The following FBXO45 variants were observed in gnomAD, a reference collection of about 807,000 sequenced individuals.
FBXO45 encodes the protein F-box/SPRY domain-containing protein 1.
In FBXO45, 3 loss-of-function variants were observed where a neutral mutation model predicts 25.5. The ratio of observed to expected loss-of-function variants is 0.12; its 90% CI spans 0.05 to 0.30. FBXO45 has a LOEUF of 0.30. Ranked by LOEUF, FBXO45 falls within the 10% of genes least tolerant of loss-of-function variation. The probability of loss-of-function intolerance (pLI) is 1.00; values close to 1 mark genes in which losing one functional copy is unlikely to be tolerated. For missense variants in FBXO45, 219 were observed against 365.0 expected (o/e 0.60, Z 3.26); for synonymous variants, 155 against 149.8 (o/e 1.03, Z -0.25).
rs58204718 is a variant in FBXO45, at chr3:196,584,452, AGCTC to A, written c.*135_*138del. On this transcript the variant is annotated 3_prime_UTR_variant, in exon 3 of 3. Coordinates refer to ENST00000311630, the MANE Select transcript of FBXO45 (RefSeq NM_001105573.2). This position sits in a 1 kb window ranked among gnomAD's most constrained non-coding sequence, Gnocchi z 4.3. ...ACATGAAGTCGTAAACTGGAGAAGC[AGCTC>A]TACAGCAGAGATTATCTTCGTGTTT... is the stretch of plus-strand genomic sequence containing the variant. 6,442 of 744,842 alleles carry A rather than the reference AGCTC, an allele frequency of 8.6e-3. 118 individuals are homozygous for A. Among genetic ancestry groups the A allele is most frequent in the African/African-American group, 0.06 (3,296 of 54,630 alleles). 46.1% of individuals were successfully genotyped at this position (744,842 alleles called of 1,614,324 possible).
rs374570612 is a variant in FBXO45, at chr3:196,588,654, G to A, written c.*4336G>A. ...ATTGATTATTTATTGGTGTCATATC[G>A]CCCCTAAACTGGGACAGGATCTCTA... is the stretch of plus-strand genomic sequence containing the variant. On this transcript the variant is annotated 3_prime_UTR_variant, in exon 3 of 3. Transcript: ENST00000311630. The surrounding 1 kb of genome is among the most constrained non-coding windows in gnomAD (Gnocchi z 4.2). 7.2e-5 allele frequency: 11 copies of A among 152,106 alleles called. No individual in the cohort carries two copies. In the South Asian group the frequency reaches 8.3e-4, roughly 11 times the overall value. 9.4% of individuals were successfully genotyped at this position (152,106 alleles called of 1,614,324 possible).
chr3:196,588,937 C>G lies in FBXO45; in HGVS notation c.*4619C>G, dbSNP rs906002135. The G allele has an allele frequency of 6.6e-6, 1 of 152,176 alleles. No homozygotes were observed. The highest frequency in any genetic ancestry group is 6.5e-5 in the Admixed American group (1 of 15,280). The allele number at this position is 152,176 out of a possible 1,614,324, so 9.4% of individuals were successfully genotyped here. ...GAATGCATTTAGCCACTCCCCTCTACTCAAAAATACTGGTAAACTCTGATT... is the reference window on the plus strand; with the variant it reads ...GAATGCATTTAGCCACTCCCCTCTAGTCAAAAATACTGGTAAACTCTGATT... On this transcript the variant is annotated 3_prime_UTR_variant, in exon 3 of 3. Transcript: ENST00000311630. This position sits in a 1 kb window ranked among gnomAD's most constrained non-coding sequence, Gnocchi z 4.2.
chr3:196,573,100 A>AT (rs537784343), intron 1 of FBXO45, among the ~76,000 whole-genome samples: 23 of 150,862 alleles, frequency 1.5e-4, no homozygotes, highest in Non-Finnish European at 2.2e-4. Flanking sequence ...TTTTATTATT[A>AT]TTTTTTTTTG....
rs1736067124 is a variant in FBXO45 at position 196,584,421 on chromosome 3, G to A, written c.*103G>A. ...CACATGCATGTCCAAGAAACATCCTGAAAACACATGAAGTCGTAAACTGGA... is the reference window on the plus strand; with the variant it reads ...CACATGCATGTCCAAGAAACATCCTAAAAACACATGAAGTCGTAAACTGGA... On this transcript the variant is annotated 3_prime_UTR_variant, in exon 3 of 3. Coordinates refer to ENST00000311630, the MANE Select transcript of FBXO45 (RefSeq NM_001105573.2). The surrounding 1 kb of genome is among the most constrained non-coding windows in gnomAD (Gnocchi z 4.3). 2.0e-6 allele frequency: 2 copies of A among 1,010,158 alleles called. No homozygotes were observed. The highest frequency in any genetic ancestry group is 2.8e-6 in the Non-Finnish European group (2 of 709,670). 62.6% of individuals were successfully genotyped at this position (1,010,158 alleles called of 1,614,324 possible). A position where few individuals can be genotyped will look rare whatever the true frequency, so the allele number is the denominator to read the frequency against.
Position 196,576,289 on chromosome 3 carries a change from A to T in FBXO45, c.319-1164A>T, listed in dbSNP as rs147148802. Among the ~76,000 whole-genome samples the T allele has an allele frequency of 2.0e-3, 304 of 152,282 alleles. 2 individuals are homozygous for T. The highest frequency in any genetic ancestry group is 7.1e-3 in the African/African-American group (294 of 41,560). On this transcript the variant is annotated intron_variant, in intron 1 of 2. Transcript: ENST00000311630. ...GGGTCTTCCTAAATGCTGACATTCT[A>T]TGCCTCTGGAGTTGATTTTTCTCAG...
chr3:196,579,411 G>A (rs1735971975), intron 2 of FBXO45, among the ~76,000 whole-genome samples: 1 of 152,190 alleles, frequency 6.6e-6, no homozygotes, highest in Non-Finnish European at 1.5e-5. Flanking sequence ...ATACTATAAG[G>A]AGAAGGGTGT....
Position 196,569,393 on chromosome 3 carries a change from T to G in FBXO45, c.318+91T>G. 1 of 1,309,844 alleles carries G rather than the reference T, an allele frequency of 7.6e-7. No individual in the cohort carries two copies. 81.1% of individuals were successfully genotyped at this position (1,309,844 alleles called of 1,614,324 possible). A position where few individuals can be genotyped will look rare whatever the true frequency, so the allele number is the denominator to read the frequency against. ...TCATCCGAGCTTCTGAGTCAGAAGC[T>G]TCGCCTCACCAGCCCGCCTTTCCAC... On this transcript the variant is annotated intron_variant, in intron 1 of 2. Coordinates refer to ENST00000311630, the MANE Select transcript of FBXO45 (RefSeq NM_001105573.2). The surrounding 1 kb of genome is among the most constrained non-coding windows in gnomAD (Gnocchi z 4.1).
Position 196,585,680 on chromosome 3 carries a change from A to G in FBXO45, c.*1362A>G, listed in dbSNP as rs1456168100. On this transcript the variant is annotated 3_prime_UTR_variant, in exon 3 of 3. Coordinates refer to ENST00000311630, the MANE Select transcript of FBXO45 (RefSeq NM_001105573.2). ...TCACTAAAATGCTTTTGAATTAATAATCCAACCCACATGAGCTGAGAGTTT... is the reference window on the plus strand; with the variant it reads ...TCACTAAAATGCTTTTGAATTAATAGTCCAACCCACATGAGCTGAGAGTTT... 6.6e-6 allele frequency: 1 copy of G among 152,224 alleles called. No homozygotes were observed. The highest frequency in any genetic ancestry group is 1.5e-5 in the Non-Finnish European group (1 of 68,034). 9.4% of individuals were successfully genotyped at this position (152,224 alleles called of 1,614,324 possible).
At chr3:196,580,197 TTTC>T (rs1185007762) in intron 2 of FBXO45, among the ~76,000 whole-genome samples, 1 of 114,092 alleles carries the variant, frequency 8.8e-6, no homozygotes, top group African/African-American at 3.5e-5. Flanking sequence ...AGAGAAGGGG[TTTC>T]TTTTTTTTTT....
intron 2 of FBXO45, among the ~76,000 whole-genome samples, chr3:196,579,160 T>C (rs1295470187): frequency 1.3e-5 from 2 of 152,232 alleles, no homozygotes; most frequent in Admixed American, 6.5e-5. Flanking sequence ...GCCGTATTTA[T>C]TACTACAGAC....
intron 1 of FBXO45, among the ~76,000 whole-genome samples, chr3:196,573,782 T>C (rs1159593247): frequency 6.6e-6 from 1 of 152,172 alleles, no homozygotes; most frequent in Non-Finnish European, 1.5e-5. Flanking sequence ...ATTAATTATT[T>C]AAGTCATACT....
At position 196,569,227 on chromosome 3, in the gene FBXO45, C is replaced by T; in HGVS notation, c.243C>T (p.Ser81=). 1 of 1,580,312 alleles carries T rather than the reference C, an allele frequency of 6.3e-7. No homozygotes were observed. Among genetic ancestry groups the T allele is most frequent in the Admixed American group, 1.8e-5 (1 of 54,758 alleles). ...ATGAGAACAGCGAGGTGTGGCGGAGCCTGTGCGCCCGCAGCCTGGCAGAAG... is the reference window on the plus strand; with the variant it reads ...ATGAGAACAGCGAGGTGTGGCGGAGTCTGTGCGCCCGCAGCCTGGCAGAAG... ...HGDENSEVWR[S]LCARSLAEEA... The change falls in exon 1 of 3, where the codon AGC becomes AGT. Residue 81 remains serine (S), a synonymous_variant. Coordinates refer to ENST00000311630, the MANE Select transcript of FBXO45 (RefSeq NM_001105573.2). The surrounding 1 kb of genome is among the most constrained non-coding windows in gnomAD (Gnocchi z 4.1).
Position 196,584,343 on chromosome 3 carries a change from C to T in FBXO45, c.*25C>T, listed in dbSNP as rs1736066155. 4.4e-6 allele frequency: 7 copies of T among 1,584,356 alleles called. No homozygotes were observed. The East Asian group carries it at 1.6e-4, about 36-fold the overall frequency. On this transcript the variant is annotated 3_prime_UTR_variant, in exon 3 of 3. Transcript: ENST00000311630. The surrounding 1 kb of genome is among the most constrained non-coding windows in gnomAD (Gnocchi z 4.3). Reference sequence around the variant, plus strand: ...ACAGTGGCTTTCTTGTGATGACAGACAGAATGGAGGAGAGATCTGCTTATG... The same window carrying T: ...ACAGTGGCTTTCTTGTGATGACAGATAGAATGGAGGAGAGATCTGCTTATG...
chr3:196,574,091 C>T (rs919978654), intron 1 of FBXO45, among the ~76,000 whole-genome samples: 3 of 151,968 alleles, frequency 2.0e-5, no homozygotes, highest in African/African-American at 4.8e-5. Flanking sequence ...CCTGCCACTA[C>T]GTCCAGCTAA....
At position 196,569,571 on chromosome 3, in the gene FBXO45, C is replaced by G. The variant is rs189191290; in HGVS notation, c.318+269C>G. On this transcript the variant is annotated intron_variant, in intron 1 of 2. Transcript: ENST00000311630. This position sits in a 1 kb window ranked among gnomAD's most constrained non-coding sequence, Gnocchi z 4.1. Reference sequence around the variant, plus strand: ...ACTCATTCAACTTTTGACAGTTTTCCCCGTTAAAGACAGACCACCACTCTT... The same window carrying G: ...ACTCATTCAACTTTTGACAGTTTTCGCCGTTAAAGACAGACCACCACTCTT... Among the ~76,000 whole-genome samples the G allele has an allele frequency of 6.6e-6, 1 of 152,166 alleles. No individual in the cohort carries two copies. Among genetic ancestry groups the G allele is most frequent in the Admixed American group, 6.5e-5 (1 of 15,278 alleles).
chr3:196,575,895 C>T (rs77346439), intron 1 of FBXO45, among the ~76,000 whole-genome samples: 2 of 152,154 alleles, frequency 1.3e-5, no homozygotes, highest in Non-Finnish European at 2.9e-5. Context: ...CCAGGCTAGT[C>T]TTGAACTCCG....
rs1243668732 is a variant in FBXO45, at chr3:196,585,313, T to C, written c.*995T>C. 6.6e-6 allele frequency: 1 copy of C among 152,234 alleles called. No individual in the cohort carries two copies. The highest frequency in any genetic ancestry group is 2.4e-5 in the African/African-American group (1 of 41,476). 9.4% of individuals were successfully genotyped at this position (152,234 alleles called of 1,614,324 possible). On this transcript the variant is annotated 3_prime_UTR_variant, in exon 3 of 3. Transcript: ENST00000311630. The stretch of plus-strand genomic sequence containing the variant: ...TCTTGTAGGCCTCAAATATGAAAGC[T>C]ATTAGTCATAGAGCCTAGGAAAAAA...
At chr3:196,581,184 G>A (rs1165056011) in intron 2 of FBXO45, among the ~76,000 whole-genome samples, 1 of 100,652 alleles carries the variant, frequency 9.9e-6, no homozygotes, top group Admixed American at 1.0e-4. Flanking sequence ...TTTGCTTATT[G>A]TACACTTCAG....
At chr3:196,575,474 A>G (rs571100281) in intron 1 of FBXO45, among the ~76,000 whole-genome samples, 1 of 150,824 alleles carries the variant, frequency 6.6e-6, no homozygotes, top group South Asian at 2.1e-4. Context: ...AAAAAAAAAG[A>G]AAAGGAAGTT....
Sources: allele counts gnomAD v4.1 joint callset (sites outside exome capture counted in the v4.1 genomes callset), GRCh38; gene constraint gnomAD v4.1.1; non-coding constraint Gnocchi (gnomAD v3.1); transcripts MANE v1.5; gene names NCBI Gene and HGNC (gene_info 2026-07-23, HGNC 2026-07-21).